Variants in MRPS27 observed in about 807,000 individuals in gnomAD.
MRPS27 encodes the protein small ribosomal subunit protein mS27.
MRPS27 carries 43 observed loss-of-function variants against 48.9 expected under a neutral mutation model. The ratio of observed to expected loss-of-function variants is 0.88; its 90% confidence interval spans 0.69 to 1.13. The LOEUF (loss-of-function observed/expected upper bound fraction) is 1.13. MRPS27 is among the 50% of genes most tolerant of loss of function. MRPS27 has a pLI of 0.00. For missense variants in MRPS27, 467 were observed against 476.3 expected (o/e 0.98, Z 0.18); for synonymous variants, 188 against 171.9 (o/e 1.09, Z -0.73).
intron 2 of MRPS27, among the ~76,000 whole-genome samples, chr5:72,306,062 A>G (rs974860257): frequency 6.6e-6 from 1 of 152,250 alleles, no homozygotes; most frequent in Non-Finnish European, 1.5e-5. Context: ...GCAATGGATT[A>G]AAATGTCTCA....
intron 4 of MRPS27, among the ~76,000 whole-genome samples, chr5:72,275,617 T>C (rs945061700): frequency 1.3e-5 from 2 of 152,220 alleles, no homozygotes; most frequent in Non-Finnish European, 2.9e-5. Flanking sequence ...CCTAAACAAA[T>C]TGAACACTCA....
In MRPS27 at chr5:72,314,109, T is replaced by A. The variant is rs1454789560; in HGVS notation, c.123A>T (p.Glu41Asp). The change falls in exon 2 of 11, where the codon GAA becomes GAT. Residue 41 changes from glutamate (E) to aspartate (D), a missense_variant. Transcript: ENST00000261413. ...GACAGTAATGTTCTTTTTCTCTTGC[T>A]TCCCATTTGTGGCTGTCTACATAGG... ...SSAYVDSHKW[E>D]AREKEHYCLA... The A allele has an allele frequency of 6.2e-7, 1 of 1,613,158 alleles. No individual in the cohort carries two copies. The highest frequency in any genetic ancestry group is 8.5e-7 in the Non-Finnish European group (1 of 1,179,444).
chr5:72,248,944 C>A (rs1359850613), intron 4 of MRPS27, among the ~76,000 whole-genome samples: 1 of 152,192 alleles, frequency 6.6e-6, no homozygotes, highest in Non-Finnish European at 1.5e-5. Context: ...TTCTTAAACA[C>A]CACAAGCTCA....
chr5:72,272,989 A>G (rs1000145706), intron 4 of MRPS27, among the ~76,000 whole-genome samples: 2 of 152,044 alleles, frequency 1.3e-5, no homozygotes, highest in African/African-American at 4.8e-5. Flanking sequence ...AATAAGGCAA[A>G]CTCATTCTAA....
intron 8 of MRPS27, among the ~76,000 whole-genome samples, chr5:72,226,771 T>C (rs1049975094): frequency 1.3e-5 from 2 of 152,168 alleles, no homozygotes; most frequent in Non-Finnish European, 2.9e-5. Flanking sequence ...AGAGTTCTCA[T>C]GATCTTTTTG....
At chr5:72,264,311 A>ATAGT (rs1160267097) in intron 4 of MRPS27, among the ~76,000 whole-genome samples, 1 of 152,216 alleles carries the variant, frequency 6.6e-6, no homozygotes, top group Non-Finnish European at 1.5e-5. Context: ...AGAAACAGAG[A>ATAGT]TAGTTATTGC....
chr5:72,232,612 T>G (rs1390977712), intron 6 of MRPS27, 54 bp from the exon 7 acceptor site: 1 of 1,228,494 alleles, frequency 8.1e-7, no homozygotes, highest in Non-Finnish European at 1.2e-6. Context: ...GTAATATTAC[T>G]AAATCTCTAT....
intron 2 of MRPS27, among the ~76,000 whole-genome samples, chr5:72,305,055 AG>A (rs995936068): frequency 2.0e-5 from 3 of 152,236 alleles, no homozygotes; most frequent in African/African-American, 7.2e-5. Context: ...AATATACAGA[AG>A]GAAGTATGGA....
At position 72,313,696 on chromosome 5, in the gene MRPS27, G is replaced by A. The variant is rs139150228; in HGVS notation, c.151+385C>T. Among the ~76,000 whole-genome samples, 516 of 152,264 alleles carry A rather than the reference G, an allele frequency of 3.4e-3. 1 individual carries two copies. Among genetic ancestry groups the A allele is most frequent in the African/African-American group, 0.011 (462 of 41,554 alleles). On this transcript the variant is annotated intron_variant, in intron 2 of 10. Coordinates refer to ENST00000261413, the MANE Select transcript of MRPS27 (RefSeq NM_015084.3). Reference sequence around the variant, plus strand: ...TGTCACCTGGTAATGAAATAGAGAAGAGTCAAAAAGGGCTCTGAAGACCAC... The same window carrying A: ...TGTCACCTGGTAATGAAATAGAGAAAAGTCAAAAAGGGCTCTGAAGACCAC...
intron 4 of MRPS27, among the ~76,000 whole-genome samples, chr5:72,261,061 G>A (rs1009453423): frequency 3.3e-5 from 5 of 151,918 alleles, no homozygotes; most frequent in African/African-American, 1.2e-4. Flanking sequence ...ACAGGGTTTC[G>A]CCATGTTGCC....
At position 72,294,772 on chromosome 5, in the gene MRPS27, A is replaced by G. The variant is rs1199918698; in HGVS notation, c.281+759T>C. 2.0e-5 allele frequency: 3 copies of G among 152,092 alleles called. No homozygotes were observed. In the East Asian group the frequency reaches 5.8e-4, roughly 29 times the overall value. The allele number at this position is 152,092 out of a possible 1,614,324, so 9.4% of individuals were successfully genotyped here. On this transcript the variant is annotated intron_variant, in intron 4 of 10. Coordinates refer to ENST00000261413, the MANE Select transcript of MRPS27 (RefSeq NM_015084.3). ...TGAAAATAGGTACATAACAGTTCAC[A>G]TCGGGTAAAATTCCACCTGTAAAAA...
At chr5:72,298,412 T>C (rs1287711034) in intron 2 of MRPS27, among the ~76,000 whole-genome samples, 2 of 152,146 alleles carry the variant, frequency 1.3e-5, no homozygotes, top group Non-Finnish European at 2.9e-5. Flanking sequence ...GATAAGGAAA[T>C]GCTTATACAC....
At chr5:72,308,516 G>A (rs536397379) in intron 2 of MRPS27, among the ~76,000 whole-genome samples, 2 of 152,290 alleles carry the variant, frequency 1.3e-5, no homozygotes, top group African/African-American at 2.4e-5. Context: ...GCGCGCGCAC[G>A]CTACCCGACA....
rs565346375 is a variant in MRPS27 at position 72,258,785 on chromosome 5, T to G, written c.282-20657A>C. Among the ~76,000 whole-genome samples, 4 of 152,290 alleles carry G rather than the reference T, an allele frequency of 2.6e-5. No homozygotes were observed. In the South Asian group the frequency reaches 8.3e-4, roughly 32 times the overall value. On this transcript the variant is annotated intron_variant, in intron 4 of 10. Transcript: ENST00000261413. ...ACTGTGAGAAATAAATCTCTGTTAT[T>G]GATAAACTACTCAGTCTCAGGCATT...
At chr5:72,260,258 A>G (rs1748929836) in intron 4 of MRPS27, among the ~76,000 whole-genome samples, 1 of 152,180 alleles carries the variant, frequency 6.6e-6, no homozygotes, top group African/African-American at 2.4e-5. Context: ...GTACACAAAT[A>G]TTTCCTTATT....
intron 4 of MRPS27, among the ~76,000 whole-genome samples, chr5:72,238,352 G>A (rs976474526): frequency 6.6e-6 from 1 of 152,146 alleles, no homozygotes; most frequent in Non-Finnish European, 1.5e-5. Flanking sequence ...TACAAAAATT[G>A]TATTCCTTAT....
intron 4 of MRPS27, among the ~76,000 whole-genome samples, chr5:72,291,655 T>C (rs769133891): frequency 6.6e-6 from 1 of 152,252 alleles, no homozygotes; most frequent in Non-Finnish European, 1.5e-5. Context: ...AAATGCTAAA[T>C]ATTATTGAGG....
intron 7 of MRPS27, chr5:72,228,940 C>A (rs762962680): frequency 6.6e-6 from 1 of 152,218 alleles, no homozygotes; most frequent in Non-Finnish European, 1.5e-5. Context: ...CTTCTTTCAG[C>A]CCAGGGTGCA....
chr5:72,308,200 C>CA (rs1304011806), intron 2 of MRPS27, among the ~76,000 whole-genome samples: 1 of 152,208 alleles, frequency 6.6e-6, no homozygotes, highest in African/African-American at 2.4e-5. Flanking sequence ...CTCTCTGGCA[C>CA]AATCAGCCAC....
Sources: allele counts gnomAD v4.1 joint callset (sites outside exome capture counted in the v4.1 genomes callset), GRCh38; gene constraint gnomAD v4.1.1; transcripts MANE v1.5; gene names NCBI Gene and HGNC (gene_info 2026-07-23, HGNC 2026-07-21).